Variants in SLC2A13 observed in about 807,000 individuals in gnomAD.
SLC2A13 encodes solute carrier family 2 member 13.
SLC2A13 carries 32 observed loss-of-function variants against 64.4 expected under a neutral mutation model. The ratio of observed to expected loss-of-function variants is 0.50; its 90% confidence interval spans 0.37 to 0.67. SLC2A13 has a LOEUF of 0.67. Among genes scored for constraint, SLC2A13 ranks in the 30% least tolerant of loss-of-function variants. The pLI is 0.00. For missense variants in SLC2A13, 743 were observed against 829.2 expected (o/e 0.90, Z 1.28); for synonymous variants, 338 against 327.1 (o/e 1.03, Z -0.36).
rs1268099925 is a variant in SLC2A13 at position 39,895,820 on chromosome 12, ATGTATATGCGTGTATATG to A, written c.1035-23877_1035-23860del. On this transcript the variant is annotated intron_variant, in intron 4 of 9. Transcript: ENST00000280871. Reference sequence around the variant, plus strand: ...TGTATATGCGTGTATACGTACACACATGTATATGCGTGTATATGCACACACATATGTATATGCGTGTAT... The same window carrying A: ...TGTATATGCGTGTATACGTACACACACACACACATATGTATATGCGTGTAT... Among the ~76,000 whole-genome samples the A allele has an allele frequency of 5.2e-5, 3 of 57,178 alleles. 1 individual carries two copies. Among genetic ancestry groups the A allele is most frequent in the African/African-American group, 2.0e-4 (3 of 14,746 alleles). 37.5% of individuals were successfully genotyped at this position (57,178 alleles called of 152,430 possible). A position where few individuals can be genotyped will look rare whatever the true frequency, so the allele number is the denominator to read the frequency against.
At chr12:40,051,880 G>T (rs544530479) in intron 1 of SLC2A13, among the ~76,000 whole-genome samples, 2 of 152,134 alleles carry the variant, frequency 1.3e-5, no homozygotes, top group Non-Finnish European at 2.9e-5. Context: ...GCATGATCAG[G>T]TTCAATGATC....
At chr12:40,083,153 C>CA (rs1938470640) in intron 1 of SLC2A13, among the ~76,000 whole-genome samples, 1 of 152,108 alleles carries the variant, frequency 6.6e-6, no homozygotes, top group Non-Finnish European at 1.5e-5. Flanking sequence ...GTTCTGTACT[C>CA]AAAACATTTG....
chr12:40,054,505 T>C (rs1373691161), intron 1 of SLC2A13, among the ~76,000 whole-genome samples: 1 of 152,208 alleles, frequency 6.6e-6, no homozygotes, highest in South Asian at 2.1e-4. Context: ...CATGTTGGTG[T>C]TATTTCTAAA....
At chr12:39,890,243 T>C (rs1280744203) in intron 4 of SLC2A13, among the ~76,000 whole-genome samples, 1 of 152,158 alleles carries the variant, frequency 6.6e-6, no homozygotes, top group Non-Finnish European at 1.5e-5. Context: ...CTTAAAGAAA[T>C]AGAGATATGA....
At chr12:39,896,354 A>G (rs1192602955) in intron 4 of SLC2A13, among the ~76,000 whole-genome samples, 7 of 83,172 alleles carry the variant, frequency 8.4e-5, no homozygotes, top group African/African-American at 3.8e-4. Flanking sequence ...ATATGTATGT[A>G]TATGTGTATA....
In SLC2A13 at chr12:39,756,696, G is replaced by C. The variant is rs994237299; in HGVS notation, c.*3330C>G. The C allele has an allele frequency of 6.6e-6, 1 of 151,540 alleles. No homozygotes were observed. Among genetic ancestry groups the C allele is most frequent in the African/African-American group, 2.4e-5 (1 of 41,358 alleles). 9.4% of individuals were successfully genotyped at this position (151,540 alleles called of 1,614,324 possible). ...TTATTTTGTTGTTAAAAAGCAAAAG[G>C]GTAAGTTGTCAGCTTATATTTTTCC... On this transcript the variant is annotated 3_prime_UTR_variant, in exon 10 of 10. Transcript: ENST00000280871.
At chr12:39,796,563 C>T (rs1316946574) in intron 7 of SLC2A13, among the ~76,000 whole-genome samples, 2 of 151,904 alleles carry the variant, frequency 1.3e-5, no homozygotes, top group Non-Finnish European at 2.9e-5. Context: ...TGGGAGCTGG[C>T]ACAAGGTCCT....
Position 39,758,242 on chromosome 12 carries a change from T to C in SLC2A13, c.*1784A>G, listed in dbSNP as rs938273970. 1 of 151,836 alleles carries C rather than the reference T, an allele frequency of 6.6e-6. No individual in the cohort carries two copies. Among genetic ancestry groups the C allele is most frequent in the Non-Finnish European group, 1.5e-5 (1 of 67,748 alleles). The allele number at this position is 151,836 out of a possible 1,614,324, so 9.4% of individuals were successfully genotyped here. ...AACGTTTTTGTTTTTGGTTAATGGA[T>C]TTTTAGGGCACTAAATTGACAGTTT... On this transcript the variant is annotated 3_prime_UTR_variant, in exon 10 of 10. Coordinates refer to ENST00000280871, the MANE Select transcript of SLC2A13 (RefSeq NM_052885.4).
intron 6 of SLC2A13, among the ~76,000 whole-genome samples, chr12:39,856,196 ACCTT>A (rs1943601860): frequency 6.6e-6 from 1 of 151,978 alleles, no homozygotes; most frequent in African/African-American, 2.4e-5. Flanking sequence ...AGCACCATCT[ACCTT>A]CTCTTATCAA....
intron 7 of SLC2A13, among the ~76,000 whole-genome samples, chr12:39,807,657 A>C (rs1322111341): frequency 6.6e-6 from 1 of 152,158 alleles, no homozygotes; most frequent in African/African-American, 2.4e-5. Flanking sequence ...TGGATACATG[A>C]TTTAGTTTTT....
chr12:40,034,399 T>C (rs1406191996), intron 2 of SLC2A13, among the ~76,000 whole-genome samples: 2 of 152,214 alleles, frequency 1.3e-5, no homozygotes, highest in Non-Finnish European at 2.9e-5. Context: ...ACAGTTAATC[T>C]TGATACTTTC....
chr12:40,052,782 C>T (rs1262390483), intron 1 of SLC2A13, among the ~76,000 whole-genome samples: 2 of 151,750 alleles, frequency 1.3e-5, no homozygotes, highest in East Asian at 1.9e-4. Context: ...GGGGACAATG[C>T]GCATAACTGA....
chr12:39,853,993 C>G (rs1943537307), intron 6 of SLC2A13, among the ~76,000 whole-genome samples: 1 of 152,022 alleles, frequency 6.6e-6, no homozygotes, highest in African/African-American at 2.4e-5. Context: ...TGTTTAAATA[C>G]CTAGCCCTTC....
At chr12:39,910,389 AG>A (rs1945402873) in intron 4 of SLC2A13, among the ~76,000 whole-genome samples, 1 of 152,100 alleles carries the variant, frequency 6.6e-6, no homozygotes, top group South Asian at 2.1e-4. Context: ...AGAAAAGTCA[AG>A]GTTTTTTTTG....
intron 1 of SLC2A13, among the ~76,000 whole-genome samples, chr12:40,081,744 G>T (rs1242591918): frequency 6.6e-6 from 1 of 152,208 alleles, no homozygotes; most frequent in African/African-American, 2.4e-5. Flanking sequence ...GAGGTAAGAT[G>T]ACACTCTCTG....
intron 1 of SLC2A13, among the ~76,000 whole-genome samples, chr12:40,092,399 G>A (rs1198898466): frequency 6.6e-6 from 1 of 152,180 alleles, no homozygotes; most frequent in Non-Finnish European, 1.5e-5. Flanking sequence ...GGCTTCACTT[G>A]AAACGTAACC....
At chr12:39,886,271 T>G (rs1944463802) in intron 4 of SLC2A13, among the ~76,000 whole-genome samples, 1 of 152,186 alleles carries the variant, frequency 6.6e-6, no homozygotes, top group South Asian at 2.1e-4. Context: ...GCTGGCTTGA[T>G]GCGGGCATAT....
chr12:39,886,291 T>G (rs1944465040), intron 4 of SLC2A13, among the ~76,000 whole-genome samples: 1 of 152,172 alleles, frequency 6.6e-6, no homozygotes, highest in African/African-American at 2.4e-5. Context: ...TTGACAGCGC[T>G]GTGCCCTTTG....
intron 1 of SLC2A13, among the ~76,000 whole-genome samples, chr12:40,072,078 T>C (rs1937980240): frequency 6.6e-6 from 1 of 152,138 alleles, no homozygotes; most frequent in Non-Finnish European, 1.5e-5. Flanking sequence ...AAGCACTGCT[T>C]TCAGTGAATC....
Sources: gnomAD v4.1 joint callset for allele counts (sites outside exome capture counted in the v4.1 genomes callset) on GRCh38, gnomAD v4.1.1 for gene constraint, MANE v1.5 for transcripts, NCBI Gene and HGNC (gene_info 2026-07-23, HGNC 2026-07-21) for gene names.